SNTG2: variants seen among roughly 807,000 people sequenced by gnomAD.
SNTG2 encodes syntrophin gamma 2.
In SNTG2, 74 loss-of-function variants were observed where a neutral mutation model predicts 70.9. That is an observed-to-expected ratio of 1.04 (90% CI 0.86 to 1.27). The LOEUF is 1.27. Among genes scored for constraint, SNTG2 ranks in the 50% most tolerant of loss-of-function variants. SNTG2 has a pLI of 0.00. For synonymous variants in SNTG2, 278 were observed against 273.8 expected, an observed-to-expected ratio of 1.02 and a Z score of -0.15; for missense variants, 717 against 690.7, an observed-to-expected ratio of 1.04 and a Z score of -0.43.
chr2:1,259,296 C>T, intron 12 of SNTG2, 74 bp from the exon 13 acceptor site: 1 of 1,330,908 alleles, frequency 7.5e-7, no homozygotes. Context: ...TGCAGTCACA[C>T]TATTGTAAAT....
chr2:956,253 C>T (rs1660152918), intron 1 of SNTG2, among the ~76,000 whole-genome samples: 1 of 136,522 alleles, frequency 7.3e-6, no homozygotes, highest in Non-Finnish European at 1.6e-5. Context: ...CGCCCCGCCC[C>T]TGCGCCTCCC....
intron 14 of SNTG2, among the ~76,000 whole-genome samples, chr2:1,268,515 C>T (rs1678865588): frequency 6.6e-6 from 1 of 152,282 alleles, no homozygotes; most frequent in East Asian, 1.9e-4. Context: ...GAAACTGATG[C>T]CAATGTTTAT....
rs1173409152 is a variant in SNTG2, at chr2:996,599, T to A, written c.72+45531T>A. On this transcript the variant is annotated intron_variant, in intron 1 of 16. Transcript: ENST00000308624. ...ATGTGTATCTACATCTACATATATA[T>A]GTATATGTGTGTATATATTGGTGGA... Among the ~76,000 whole-genome samples, 3 of 151,652 alleles carry A rather than the reference T, an allele frequency of 2.0e-5. No homozygotes were observed. The East Asian group carries it at 5.8e-4, about 29-fold the overall frequency.
chr2:1,146,415 A>G (rs1333316112), intron 6 of SNTG2, among the ~76,000 whole-genome samples: 1 of 152,120 alleles, frequency 6.6e-6, no homozygotes, highest in East Asian at 1.9e-4. Context: ...AAATTAATGA[A>G]GAAGATAGTC....
At chr2:1,349,068 A>G (rs1660445652) in intron 16 of SNTG2, among the ~76,000 whole-genome samples, 1 of 152,236 alleles carries the variant, frequency 6.6e-6, no homozygotes, top group Non-Finnish European at 1.5e-5. Context: ...TGAAGAATTC[A>G]GAGGCTAGGA....
chr2:1,059,451 G>A (rs1425515253), intron 1 of SNTG2: 2 of 152,132 alleles, frequency 1.3e-5, no homozygotes, highest in East Asian at 3.8e-4. Flanking sequence ...TTTACTAGAA[G>A]GATTCCACAG....
At chr2:1,057,498 C>A (rs531460721) in intron 1 of SNTG2, among the ~76,000 whole-genome samples, 1 of 152,222 alleles carries the variant, frequency 6.6e-6, no homozygotes, top group East Asian at 1.9e-4. Flanking sequence ...GTCCGATGTG[C>A]GAGGGCAGGA....
At chr2:993,070 C>T (rs923563240) in intron 1 of SNTG2, among the ~76,000 whole-genome samples, 25 of 140,506 alleles carry the variant, frequency 1.8e-4, no homozygotes, top group Non-Finnish European at 2.4e-4. Context: ...TTTGTGGGTT[C>T]TTTTTTTTTT....
chr2:1,126,237 G>C (rs572937897), intron 4 of SNTG2, among the ~76,000 whole-genome samples: 2 of 152,168 alleles, frequency 1.3e-5, no homozygotes, highest in African/African-American at 2.4e-5. Flanking sequence ...AACATGCAGT[G>C]TTTAACTTCC....
chr2:1,259,645 G>A (rs115259077), intron 13 of SNTG2, among the ~76,000 whole-genome samples: 2,477 of 152,318 alleles, frequency 0.016, 61 homozygotes, highest in African/African-American at 0.055. Flanking sequence ...AAGGCAGGAT[G>A]AATGGATGAC....
chr2:1,041,424 C>T (rs1661429531), intron 1 of SNTG2, among the ~76,000 whole-genome samples: 1 of 152,166 alleles, frequency 6.6e-6, no homozygotes, highest in Non-Finnish European at 1.5e-5. Flanking sequence ...TCAATTGCCT[C>T]AGTACAGTTT....
intron 16 of SNTG2, chr2:1,341,608 T>A (rs2148295837): frequency 6.6e-6 from 1 of 152,304 alleles, no homozygotes; most frequent in Non-Finnish European, 1.5e-5. Flanking sequence ...TCCCAGCTGT[T>A]TAATGAGATC....
At chr2:1,203,032 TAGA>T (rs927046988) in intron 8 of SNTG2, among the ~76,000 whole-genome samples, 4 of 152,128 alleles carry the variant, frequency 2.6e-5, no homozygotes, top group African/African-American at 9.7e-5. Context: ...AGTAAAGATG[TAGA>T]AGAACTACAC....
At chr2:973,572 C>T (rs1660815530) in intron 1 of SNTG2, among the ~76,000 whole-genome samples, 1 of 150,840 alleles carries the variant, frequency 6.6e-6, no homozygotes, top group South Asian at 2.1e-4. Flanking sequence ...TTGTTTTTTA[C>T]TAATTTTGGA....
chr2:1,082,765 G>A (rs949064927), intron 1 of SNTG2, among the ~76,000 whole-genome samples: 4 of 152,224 alleles, frequency 2.6e-5, no homozygotes, highest in African/African-American at 9.6e-5. Context: ...GCCTGCTCTG[G>A]AGCCCCCAGG....
At chr2:1,129,478 A>C (rs1478369649) in intron 4 of SNTG2, among the ~76,000 whole-genome samples, 1 of 152,258 alleles carries the variant, frequency 6.6e-6, no homozygotes, top group African/African-American at 2.4e-5. Context: ...ATTTTGGATA[A>C]ATTTGGAAAT....
chr2:1,152,551 TATGTTTCTAGGTGTGCACATGTGC>T lies in SNTG2; in HGVS notation c.412-12992_412-12969del, dbSNP rs1669574496. Among the ~76,000 whole-genome samples the T allele has an allele frequency of 2.8e-5, 4 of 140,954 alleles. No homozygotes were observed. The Admixed American group carries it at 2.9e-4, about 10-fold the overall frequency. 92.5% of individuals were successfully genotyped at this position (140,954 alleles called of 152,430 possible). ...ATGTGTATTCATGTGTGCACACACG[TATGTTTCTAGGTGTGCACATGTGC>T]ATGTGTGTGTGTGCACATGTGCATG... On this transcript the variant is annotated intron_variant, in intron 6 of 16. Transcript: ENST00000308624.
chr2:1,171,559 G>A (rs1671125412), intron 7 of SNTG2, among the ~76,000 whole-genome samples: 1 of 152,190 alleles, frequency 6.6e-6, no homozygotes, highest in Non-Finnish European at 1.5e-5. Flanking sequence ...CAACAACCCT[G>A]TGAAACGCTC....
At chr2:1,025,893 G>C (rs1572245076) in intron 1 of SNTG2, among the ~76,000 whole-genome samples, 2 of 152,300 alleles carry the variant, frequency 1.3e-5, no homozygotes, top group South Asian at 4.2e-4. Context: ...TCATTCATGA[G>C]ACCCTGAGAC....
Sources: allele counts gnomAD v4.1 joint callset (sites outside exome capture counted in the v4.1 genomes callset), GRCh38; gene constraint gnomAD v4.1.1; transcripts MANE v1.5; gene names NCBI Gene and HGNC (gene_info 2026-07-23, HGNC 2026-07-21).